The following CCDC18 variants were observed in gnomAD, a reference collection of about 807,000 sequenced individuals.
CCDC18 encodes the protein coiled-coil domain-containing protein 18.
In CCDC18, 157 loss-of-function variants were observed where a neutral mutation model predicts 196.0. That is an observed-to-expected ratio of 0.80 (90% confidence interval 0.70 to 0.91). CCDC18 has a LOEUF of 0.91. CCDC18 is among the 40% of genes least tolerant of loss of function. CCDC18 has a pLI of 0.00. For synonymous variants in CCDC18, 482 were observed against 529.2 expected (o/e 0.91, Z 1.22); for missense variants, 1,465 against 1,611.6 (o/e 0.91, Z 1.56).
chr1:93,209,303 A>T (rs948875290), intron 9 of CCDC18, among the ~76,000 whole-genome samples: 1 of 152,202 alleles, frequency 6.6e-6, no homozygotes, highest in African/African-American at 2.4e-5. Context: ...CTCTTTTAGT[A>T]ATATTTGTGA....
intron 6 of CCDC18, among the ~76,000 whole-genome samples, chr1:93,201,491 A>G (rs1378397112): frequency 3.9e-5 from 6 of 152,082 alleles, no homozygotes; most frequent in African/African-American, 1.4e-4. Context: ...GACCTTTGCA[A>G]AGGTCACAGA....
intron 19 of CCDC18, among the ~76,000 whole-genome samples, 157 bp from the exon 20 acceptor site, chr1:93,239,153 T>G (rs1660428704): frequency 6.7e-6 from 1 of 148,658 alleles, no homozygotes; most frequent in South Asian, 2.2e-4. Context: ...GGAATAGTTT[T>G]TAGTTGGAGA....
intron 10 of CCDC18, 71 bp downstream of exon 10, chr1:93,210,997 C>A: frequency 6.6e-7 from 1 of 1,516,156 alleles, no homozygotes; most frequent in Non-Finnish European, 9.1e-7. Context: ...CCTTAATTGG[C>A]CGGGCATGGT....
intron 17 of CCDC18, among the ~76,000 whole-genome samples, chr1:93,227,166 T>C (rs952649566): frequency 6.7e-6 from 1 of 149,470 alleles, no homozygotes; most frequent in African/African-American, 2.5e-5. Context: ...AGATACTGCA[T>C]TGGAAACCTT....
chr1:93,238,840 T>G (rs1389635857), intron 19 of CCDC18, among the ~76,000 whole-genome samples: 1 of 152,186 alleles, frequency 6.6e-6, no homozygotes, highest in East Asian at 1.9e-4. Flanking sequence ...TGCACTAGTC[T>G]AGGAATCTCT....
intron 28 of CCDC18, among the ~76,000 whole-genome samples, chr1:93,276,665 C>G (rs1026838664): frequency 6.6e-6 from 1 of 151,934 alleles, no homozygotes; most frequent in Non-Finnish European, 1.5e-5. Flanking sequence ...AAATTCACAC[C>G]CTCAGTAAAG....
Position 93,264,758 on chromosome 1 carries a change from T to G in CCDC18, c.3742T>G (p.Ser1248Ala). The G allele has an allele frequency of 6.2e-7, 1 of 1,613,340 alleles. No individual in the cohort carries two copies. Among genetic ancestry groups the G allele is most frequent in the Non-Finnish European group, 8.5e-7 (1 of 1,179,448 alleles). ...GAAGATTTCTGCTGACTCTCAAAAG[T>G]CTTCTGTTCAGCAACTAAACGAACA... ...KWKISADSQK[S>A]SVQQLNEQLE... The change falls in exon 27 of 29, where the codon TCT becomes GCT. Residue 1248 changes from serine to alanine, a missense_variant. Ser to Ala is a moderately conservative substitution (Grantham distance 99, BLOSUM62 1). Coordinates refer to ENST00000690025, the MANE Select transcript of CCDC18 (RefSeq NM_001378204.1).
chr1:93,229,395 G>A (rs1318063012), intron 17 of CCDC18, among the ~76,000 whole-genome samples: 1 of 152,166 alleles, frequency 6.6e-6, no homozygotes, highest in African/African-American at 2.4e-5. Flanking sequence ...TCTAATGTTG[G>A]TTAATATAAT....
rs770788276 is a variant in CCDC18, at chr1:93,270,504, G to A, written c.4043G>A (p.Cys1348Tyr). The change falls in exon 28 of 29, where the codon TGT (cysteine) becomes TAT (tyrosine). Residue 1348 changes from cysteine to tyrosine, a missense_variant. Coordinates refer to ENST00000690025, the MANE Select transcript of CCDC18 (RefSeq NM_001378204.1). The stretch of plus-strand genomic sequence containing the variant: ...TGTTTTCACACATCTTTTTCCAAGT[G>A]TACAAAATTACGTCGCTCTATTAGT... ...AKCFHTSFSKCTKLRRSISAS... is the reference protein window; with the variant it reads ...AKCFHTSFSKYTKLRRSISAS... 18 of 1,550,312 alleles carry A rather than the reference G, an allele frequency of 1.2e-5. 1 individual carries two copies. The South Asian group carries it at 1.9e-4, about 16-fold the overall frequency.
At chr1:93,247,495 G>A (rs374809203) in intron 23 of CCDC18, among the ~76,000 whole-genome samples, 5 of 151,868 alleles carry the variant, frequency 3.3e-5, no homozygotes, top group African/African-American at 4.8e-5. Context: ...GCTCACTGCC[G>A]CCTCAACATC....
At chr1:93,227,200 A>C (rs1195255578) in intron 17 of CCDC18, among the ~76,000 whole-genome samples, 1 of 102,290 alleles carries the variant, frequency 9.8e-6, no homozygotes, top group Non-Finnish European at 1.8e-5. Flanking sequence ...TTTTTTTGAG[A>C]TGGAGTCTTG....
intron 4 of CCDC18, among the ~76,000 whole-genome samples, chr1:93,190,055 GT>G (rs904400528): frequency 6.3e-4 from 95 of 151,590 alleles, no homozygotes; most frequent in African/African-American, 1.9e-3. Flanking sequence ...GGTTTCTGAA[GT>G]TTTTTTTTGT....
At chr1:93,261,205 C>T (rs1663738002) in intron 26 of CCDC18, among the ~76,000 whole-genome samples, 1 of 151,952 alleles carries the variant, frequency 6.6e-6, no homozygotes, top group Admixed American at 6.6e-5. Context: ...TATAGGTTTC[C>T]AAATTGTCAG....
chr1:93,216,935 C>CTT (rs397980840), intron 13 of CCDC18, among the ~76,000 whole-genome samples, 189 bp downstream of exon 13: 30 of 132,764 alleles, frequency 2.3e-4, no homozygotes, highest in Non-Finnish European at 3.5e-4. Context: ...CAAGTTTTCT[C>CTT]TTTTTTTTTT....
chr1:93,180,633 C>G (rs185712821), upstream of CCDC18: 5 of 1,335,488 alleles, frequency 3.7e-6, no homozygotes, highest in African/African-American at 7.8e-5. Context: ...CCACGATCCC[C>G]GGCAAGCCCC....
intron 16 of CCDC18, among the ~76,000 whole-genome samples, chr1:93,222,228 G>T (rs552400411): frequency 6.6e-6 from 1 of 151,862 alleles, no homozygotes; most frequent in African/African-American, 2.4e-5. Context: ...CAGAGCTGAC[G>T]ATTTGATCTG....
chr1:93,223,157 G>A (rs186749387), intron 16 of CCDC18, among the ~76,000 whole-genome samples: 1 of 152,222 alleles, frequency 6.6e-6, no homozygotes, highest in East Asian at 1.9e-4. Context: ...CTTAACTCCT[G>A]GTTTTCATTA....
chr1:93,223,916 C>G (rs1435936054), intron 16 of CCDC18, among the ~76,000 whole-genome samples: 1 of 104,404 alleles, frequency 9.6e-6, no homozygotes, highest in Non-Finnish European at 2.2e-5. Context: ...CACACACACA[C>G]ACACACACAC....
At chr1:93,210,766 A>C in intron 9 of CCDC18, 36 bp from the exon 10 acceptor site, 1 of 1,499,432 alleles carries the variant, frequency 6.7e-7, no homozygotes, top group Non-Finnish European at 9.1e-7. Context: ...CATCTCATTT[A>C]CATAAGTTTA....
Sources: gnomAD v4.1 joint callset for allele counts (sites outside exome capture counted in the v4.1 genomes callset) on GRCh38, gnomAD v4.1.1 for gene constraint, MANE v1.5 for transcripts, NCBI Gene and HGNC (gene_info 2026-07-23, HGNC 2026-07-21) for gene names.